The following ARHGEF28 variants were observed in gnomAD, a reference collection of about 807,000 sequenced individuals.
ARHGEF28 encodes Rho guanine nucleotide exchange factor 28, also known as 190 kDa guanine nucleotide exchange factor.
ARHGEF28 carries 152 observed loss-of-function variants against 206.6 expected under a neutral mutation model. The ratio of observed to expected loss-of-function variants is 0.74; its 90% CI spans 0.64 to 0.84. The LOEUF (loss-of-function observed/expected upper bound fraction) is 0.84. Ranked by LOEUF, ARHGEF28 falls within the 40% of genes least tolerant of loss-of-function variation. The pLI, the probability that ARHGEF28 is intolerant of heterozygous loss-of-function variation, is 0.00. For synonymous variants in ARHGEF28, 763 were observed against 776.4 expected (o/e 0.98, Z 0.29); for missense variants, 2,028 against 2,073.2 (o/e 0.98, Z 0.42).
At chr5:73,763,371 C>CAAGA (rs1042161412) in intron 4 of ARHGEF28, among the ~76,000 whole-genome samples, 68 of 152,240 alleles carry the variant, frequency 4.5e-4, no homozygotes, top group African/African-American at 1.6e-3. Context: ...ACTTTGGACA[C>CAAGA]AAGACACTGG....
intron 1 of ARHGEF28, among the ~76,000 whole-genome samples, chr5:73,644,968 C>T (rs190811915): frequency 4.6e-5 from 7 of 152,064 alleles, no homozygotes; most frequent in Admixed American, 3.3e-4. Flanking sequence ...AGTAGTTTTG[C>T]GGAGTTTCTT....
chr5:73,909,816 G>T lies in ARHGEF28; in HGVS notation c.4566G>T (p.Arg1522=). The change falls in exon 34 of 36, where the codon CGG becomes CGT. Residue 1522 remains arginine, a synonymous_variant. Coordinates refer to ENST00000513042, the MANE Select transcript of ARHGEF28 (RefSeq NM_001177693.2). ...RLVEREQARM[R]AQQSLLGHWK... is the part of the protein sequence containing the mutation. ...TGGAGAGGGAGCAGGCGAGGATGCG[G>T]GCCCAGCAGAGCCTGCTGGGCCACT... The T allele has an allele frequency of 6.5e-7, 1 of 1,540,298 alleles. No homozygotes were observed. The highest frequency in any genetic ancestry group is 8.7e-7 in the Non-Finnish European group (1 of 1,152,774).
chr5:73,737,613 G>A (rs781758641), intron 2 of ARHGEF28, among the ~76,000 whole-genome samples: 9 of 151,486 alleles, frequency 5.9e-5, no homozygotes, highest in Admixed American at 1.3e-4. Context: ...CCGGGTTCAC[G>A]CGATTCTTCT....
At chr5:73,911,997 C>G (rs1415920342) in intron 35 of ARHGEF28, among the ~76,000 whole-genome samples, 1 of 151,992 alleles carries the variant, frequency 6.6e-6, no homozygotes, top group Admixed American at 6.6e-5. Context: ...AGGGCAATTT[C>G]CTGTAACGTT....
intron 2 of ARHGEF28, among the ~76,000 whole-genome samples, chr5:73,722,626 C>T (rs1398537397): frequency 6.6e-6 from 1 of 152,176 alleles, no homozygotes; most frequent in Non-Finnish European, 1.5e-5. Context: ...TATTGTTGAA[C>T]ATTTGGTTCC....
At chr5:73,705,929 C>G (rs1188711426) in intron 2 of ARHGEF28, among the ~76,000 whole-genome samples, 1 of 152,102 alleles carries the variant, frequency 6.6e-6, no homozygotes, top group East Asian at 1.9e-4. Context: ...CTGCTTAGAC[C>G]CAGGTTTCAG....
At chr5:73,899,083 C>T (rs1762120943) in intron 30 of ARHGEF28, 1 of 151,748 alleles carries the variant, frequency 6.6e-6, no homozygotes, top group Non-Finnish European at 1.5e-5. Flanking sequence ...ACATCAGCAC[C>T]ACTAATTATC....
chr5:73,889,783 A>G (rs752444344), intron 26 of ARHGEF28, among the ~76,000 whole-genome samples: 16 of 152,340 alleles, frequency 1.1e-4, no homozygotes, highest in Middle Eastern at 3.4e-3. Flanking sequence ...GACAATAGAA[A>G]GTTGTAGGGA....
At chr5:73,640,208 A>C (rs1743983815) in intron 1 of ARHGEF28, among the ~76,000 whole-genome samples, 1 of 152,152 alleles carries the variant, frequency 6.6e-6, no homozygotes, top group South Asian at 2.1e-4. Flanking sequence ...TCTTGAAGGG[A>C]TCAGACAGGT....
intron 22 of ARHGEF28, among the ~76,000 whole-genome samples, chr5:73,876,050 G>A (rs1270839437): frequency 1.3e-5 from 2 of 149,294 alleles, no homozygotes; most frequent in African/African-American, 5.0e-5. Context: ...TCCTACCCAT[G>A]AGCATAGAAT....
intron 2 of ARHGEF28, among the ~76,000 whole-genome samples, chr5:73,733,040 C>T (rs1750707478): frequency 6.6e-6 from 1 of 152,148 alleles, no homozygotes; most frequent in Non-Finnish European, 1.5e-5. Flanking sequence ...TGTTTAGTTA[C>T]ATGAATAAGT....
At chr5:73,790,405 T>C (rs1290960703) in intron 7 of ARHGEF28, among the ~76,000 whole-genome samples, 1 of 152,216 alleles carries the variant, frequency 6.6e-6, no homozygotes, top group Admixed American at 6.5e-5. Context: ...AAATTCTTTC[T>C]GAAACAATAT....
chr5:73,816,310 C>T (rs142104705), intron 9 of ARHGEF28, among the ~76,000 whole-genome samples: 295 of 152,210 alleles, frequency 1.9e-3, no homozygotes, highest in African/African-American at 6.6e-3. Context: ...AGTCTCTTGT[C>T]GCTTACAGGA....
At chr5:73,694,878 C>T (rs1748088856) in intron 2 of ARHGEF28, among the ~76,000 whole-genome samples, 1 of 152,226 alleles carries the variant, frequency 6.6e-6, no homozygotes, top group South Asian at 2.1e-4. Flanking sequence ...GTCTCACGTC[C>T]CTGCTCTCGC....
At chr5:73,906,200 T>C (rs948090744) in intron 33 of ARHGEF28, among the ~76,000 whole-genome samples, 4 of 152,206 alleles carry the variant, frequency 2.6e-5, no homozygotes, top group Admixed American at 2.6e-4. Context: ...TATTTTTCTA[T>C]GCATATTTAT....
chr5:73,817,917 A>G (rs1407677591), intron 9 of ARHGEF28, among the ~76,000 whole-genome samples: 1 of 152,000 alleles, frequency 6.6e-6, no homozygotes, highest in Admixed American at 6.6e-5. Flanking sequence ...CTAGGAGGAG[A>G]AGTGACAGGG....
At chr5:73,686,201 A>T (rs1747457897) in intron 2 of ARHGEF28, among the ~76,000 whole-genome samples, 1 of 152,116 alleles carries the variant, frequency 6.6e-6, no homozygotes, top group Non-Finnish European at 1.5e-5. Context: ...CCCAGACATG[A>T]TTAAAGATTA....
chr5:73,911,609 T>C (rs1389559940), intron 35 of ARHGEF28, 34 bp downstream of exon 35: 2 of 1,537,682 alleles, frequency 1.3e-6, no homozygotes, highest in Admixed American at 3.9e-5. Context: ...CTGTATAGTT[T>C]GAACAAGAAG....
In ARHGEF28 at chr5:73,883,864, G is replaced by A. The variant is rs1257512883; in HGVS notation, c.3035G>A (p.Arg1012Lys). The stretch of plus-strand genomic sequence containing the variant: ...ACAAAATACCCTGTCTTGGTGGAAA[G>A]GATATTGCAGTACACAAAGGGTAAG... The part of the protein sequence containing the change: ...RITKYPVLVE[R>K]ILQYTKERTE... The change falls in exon 24 of 36, where the codon AGG (arginine) becomes AAG (lysine). Residue 1012 changes from arginine (R) to lysine (K), a missense_variant. By Grantham distance (26) the Arg-to-Lys change is conservative (BLOSUM62 2). Around this residue, in one of 3 missense-constraint regions of ARHGEF28, gnomAD observed 223 missense variants for 289.9 expected, o/e 0.77. Transcript: ENST00000513042. 2 of 1,557,320 alleles carry A rather than the reference G, an allele frequency of 1.3e-6. No individual in the cohort carries two copies. Among genetic ancestry groups the A allele is most frequent in the Non-Finnish European group, 1.7e-6 (2 of 1,150,758 alleles).
Sources: gnomAD v4.1 joint callset for allele counts (sites outside exome capture counted in the v4.1 genomes callset) on GRCh38, gnomAD v4.1.1 for gene constraint, gnomAD v4.1.1 regional missense constraint, MANE v1.5 for transcripts, NCBI Gene and HGNC (gene_info 2026-07-23, HGNC 2026-07-21) for gene names.